CSMD1: variants seen among roughly 807,000 people sequenced by gnomAD.
CSMD1 encodes the protein CUB and sushi domain-containing protein 1.
Under a neutral mutation model 417.5 loss-of-function variants are expected in CSMD1, and 213 were observed. The ratio of observed to expected loss-of-function variants is 0.51; its 90% confidence interval spans 0.46 to 0.57. The LOEUF is 0.57. Among genes scored for constraint, CSMD1 ranks in the 20% least tolerant of loss-of-function variants. The pLI, the probability that CSMD1 is intolerant of heterozygous loss-of-function variation, is 0.00. For synonymous variants in CSMD1, 2,862 were observed against 1,736.8 expected (o/e 1.65, Z -16.11); for missense variants, 6,923 against 4,529.7 (o/e 1.53, Z -15.17).
At chr8:4,864,764 T>C (rs1279589295) in intron 1 of CSMD1, among the ~76,000 whole-genome samples, 1 of 151,650 alleles carries the variant, frequency 6.6e-6, no homozygotes, top group Non-Finnish European at 1.5e-5. Context: ...AACAATTTGA[T>C]TATTTTCATA....
At chr8:3,696,593 A>G (rs1005050655) in intron 7 of CSMD1, among the ~76,000 whole-genome samples, 1 of 152,194 alleles carries the variant, frequency 6.6e-6, no homozygotes, top group Non-Finnish European at 1.5e-5. Flanking sequence ...TGGGCAGATC[A>G]GGAAAAAAAT....
At chr8:4,554,868 G>T (rs950216228) in intron 2 of CSMD1, among the ~76,000 whole-genome samples, 3 of 152,136 alleles carry the variant, frequency 2.0e-5, no homozygotes, top group African/African-American at 7.2e-5. Context: ...TAAATAGAAG[G>T]TTGCCAGGCC....
At chr8:3,071,708 C>A (rs1173452475) in intron 49 of CSMD1, among the ~76,000 whole-genome samples, 1 of 152,162 alleles carries the variant, frequency 6.6e-6, no homozygotes, top group African/African-American at 2.4e-5. Flanking sequence ...AACTACCATT[C>A]ATCAACACCA....
intron 1 of CSMD1, among the ~76,000 whole-genome samples, chr8:4,759,890 T>C (rs768188401): frequency 6.6e-6 from 1 of 152,240 alleles, no homozygotes; most frequent in East Asian, 1.9e-4. Flanking sequence ...CATGTGTATT[T>C]ATAATAGCAT....
intron 3 of CSMD1, among the ~76,000 whole-genome samples, chr8:4,178,616 A>T (rs1354253251): frequency 6.6e-6 from 1 of 151,964 alleles, no homozygotes; most frequent in Non-Finnish European, 1.5e-5. Flanking sequence ...AAGGGTATTC[A>T]ATTAGGAAAA....
intron 3 of CSMD1, among the ~76,000 whole-genome samples, chr8:4,178,198 C>T (rs1002204877): frequency 3.3e-5 from 5 of 152,214 alleles, no homozygotes; most frequent in Middle Eastern, 6.8e-3. Flanking sequence ...ACTGGCAGAC[C>T]GAATCCAGCA....
intron 26 of CSMD1, among the ~76,000 whole-genome samples, chr8:3,231,326 T>C (rs1289971121): frequency 4.6e-5 from 7 of 152,212 alleles, no homozygotes; most frequent in Non-Finnish European, 8.8e-5. Flanking sequence ...ACTTTTTCTC[T>C]GCAAAGTACT....
At chr8:3,871,059 A>G (rs1417867608) in intron 5 of CSMD1, among the ~76,000 whole-genome samples, 3 of 152,022 alleles carry the variant, frequency 2.0e-5, no homozygotes, top group Non-Finnish European at 4.4e-5. Flanking sequence ...GTATTATTCC[A>G]TGACTTACGT....
chr8:4,582,813 C>A (rs566329962), intron 2 of CSMD1, among the ~76,000 whole-genome samples: 12 of 152,200 alleles, frequency 7.9e-5, no homozygotes, highest in African/African-American at 1.7e-4. Flanking sequence ...CCTCAGCTTG[C>A]GGGGAGGTGT....
chr8:4,547,670 G>C (rs1797693739), intron 2 of CSMD1, among the ~76,000 whole-genome samples: 1 of 152,200 alleles, frequency 6.6e-6, no homozygotes, highest in Non-Finnish European at 1.5e-5. Flanking sequence ...GAATGATTGA[G>C]TTCTGTATGA....
intron 3 of CSMD1, among the ~76,000 whole-genome samples, chr8:4,082,565 G>A (rs569215095): frequency 3.8e-4 from 58 of 151,914 alleles, no homozygotes; most frequent in African/African-American, 9.6e-4. Flanking sequence ...TACAGACCCC[G>A]CTTCATTATG....
chr8:3,134,873 A>T (rs1392509068), intron 41 of CSMD1, among the ~76,000 whole-genome samples: 2 of 152,240 alleles, frequency 1.3e-5, no homozygotes, highest in Admixed American at 6.5e-5. Context: ...TGTGGAAATC[A>T]GGAAGCATAG....
chr8:3,533,981 G>C (rs1010894762), intron 10 of CSMD1, among the ~76,000 whole-genome samples: 1 of 151,942 alleles, frequency 6.6e-6, no homozygotes, highest in Admixed American at 6.6e-5. Flanking sequence ...ATTTTGTTTT[G>C]GCAATATTTA....
intron 3 of CSMD1, among the ~76,000 whole-genome samples, chr8:4,242,792 A>T (rs1332011426): frequency 6.6e-6 from 1 of 152,234 alleles, no homozygotes; most frequent in Non-Finnish European, 1.5e-5. Flanking sequence ...ATTCATTTAT[A>T]AAGTTGGAGG....
At chr8:3,698,081 C>A (rs534281926) in intron 7 of CSMD1, among the ~76,000 whole-genome samples, 11 of 151,916 alleles carry the variant, frequency 7.2e-5, no homozygotes, top group African/African-American at 2.7e-4. Flanking sequence ...ATGATATAAA[C>A]GGTATGATGA....
At chr8:3,837,007 T>C (rs185015118) in intron 5 of CSMD1, among the ~76,000 whole-genome samples, 10 of 152,172 alleles carry the variant, frequency 6.6e-5, no homozygotes, top group African/African-American at 2.4e-4. Context: ...CTACTTTAAG[T>C]GAAGTTACTC....
intron 3 of CSMD1, among the ~76,000 whole-genome samples, chr8:4,346,934 A>C (rs1456540851): frequency 2.0e-5 from 3 of 152,278 alleles, no homozygotes; most frequent in South Asian, 2.1e-4. Context: ...TACTAATTTG[A>C]AAGTGAGTTT....
At chr8:4,705,261 T>A (rs1807852624) in intron 1 of CSMD1, among the ~76,000 whole-genome samples, 1 of 152,194 alleles carries the variant, frequency 6.6e-6, no homozygotes, top group African/African-American at 2.4e-5. Flanking sequence ...GGTATTTTTT[T>A]TATAGCAGTG....
chr8:3,725,926 C>T (rs2623754), intron 6 of CSMD1, among the ~76,000 whole-genome samples: 1 of 152,214 alleles, frequency 6.6e-6, no homozygotes, highest in East Asian at 1.9e-4. Context: ...TTGATAGTGG[C>T]CTGGACCTAA....
Sources: allele counts gnomAD v4.1 joint callset (sites outside exome capture counted in the v4.1 genomes callset), GRCh38; gene constraint gnomAD v4.1.1; transcripts MANE v1.5; gene names NCBI Gene and HGNC (gene_info 2026-07-23, HGNC 2026-07-21).